The following GRIK1 variants were observed in gnomAD, a reference collection of about 807,000 sequenced individuals.
GRIK1 encodes the protein glutamate ionotropic receptor kainate type subunit 1, also known as glutamate receptor ionotropic, kainate 1.
A neutral mutation model predicts 105.7 loss-of-function variants in GRIK1; 69 were observed. That is an observed-to-expected ratio of 0.65 (90% CI 0.54 to 0.80). The LOEUF (loss-of-function observed/expected upper bound fraction) is 0.80, where lower values mean the gene tolerates loss of function less well. Ranked by LOEUF, GRIK1 falls within the 30% of genes least tolerant of loss-of-function variation. GRIK1 has a pLI of 0.00. For missense variants in GRIK1, 1,109 were observed against 1,167.3 expected (o/e 0.95, Z 0.73); for synonymous variants, 438 against 431.3 (o/e 1.02, Z -0.19).
chr21:29,855,797 A>T (rs1176021851), intron 1 of GRIK1, among the ~76,000 whole-genome samples: 1 of 152,194 alleles, frequency 6.6e-6, no homozygotes, highest in Non-Finnish European at 1.5e-5. Context: ...AAGGTGAAAA[A>T]ATTAACTGAT....
At chr21:29,803,038 T>A (rs2066756011) in intron 1 of GRIK1, among the ~76,000 whole-genome samples, 1 of 152,132 alleles carries the variant, frequency 6.6e-6, no homozygotes, top group Non-Finnish European at 1.5e-5. Flanking sequence ...TTTTATTACA[T>A]AATGCTGTAG....
chr21:29,924,303 C>T (rs966353240), intron 1 of GRIK1, among the ~76,000 whole-genome samples: 1 of 149,644 alleles, frequency 6.7e-6, no homozygotes, highest in Non-Finnish European at 1.5e-5. Flanking sequence ...TGCCACTGCA[C>T]TCCAGCCTGG....
intron 1 of GRIK1, among the ~76,000 whole-genome samples, chr21:29,826,601 T>A (rs2300324): frequency 0.11 from 16,243 of 152,150 alleles, 925 homozygotes; most frequent in Admixed American, 0.16. Context: ...CCCTGCAGAT[T>A]TTGGGCTTGC....
chr21:29,762,708 C>G (rs917337453), intron 1 of GRIK1, among the ~76,000 whole-genome samples: 3 of 150,310 alleles, frequency 2.0e-5, no homozygotes, highest in Non-Finnish European at 4.4e-5. Context: ...ACAGGACCAC[C>G]CTGTATTCAA....
chr21:29,684,806 G>T (rs1416566515), intron 3 of GRIK1, among the ~76,000 whole-genome samples: 1 of 151,776 alleles, frequency 6.6e-6, no homozygotes, highest in Non-Finnish European at 1.5e-5. Flanking sequence ...CACCACACCC[G>T]GCTGCAAAAA....
chr21:29,555,033 C>CCTTT lies in GRIK1; in HGVS notation c.2607+18_2607+19insAAAG, dbSNP rs771867294. On this transcript the variant is annotated intron_variant, in intron 16 of 17. Transcript: ENST00000327783. Reference sequence around the variant, plus strand: ...AATGCAAACTATAAACTAACCAGTCCTAGAAAGAGATGACTCACCTGTTCA... The same window carrying CCTTT: ...AATGCAAACTATAAACTAACCAGTCCCTTTTAGAAAGAGATGACTCACCTGTTCA... The CCTTT allele has an allele frequency of 3.3e-5, 52 of 1,594,692 alleles. No individual in the cohort carries two copies. The highest frequency in any genetic ancestry group is 4.1e-5 in the Non-Finnish European group (48 of 1,164,312).
intron 1 of GRIK1, among the ~76,000 whole-genome samples, chr21:29,749,370 C>T (rs1304038754): frequency 1.3e-5 from 2 of 152,208 alleles, no homozygotes; most frequent in Non-Finnish European, 2.9e-5. Flanking sequence ...GGAGAATCAG[C>T]TTTGTCACCG....
intron 1 of GRIK1, among the ~76,000 whole-genome samples, chr21:29,836,763 A>G (rs377465986): frequency 6.6e-6 from 1 of 152,214 alleles, no homozygotes; most frequent in African/African-American, 2.4e-5. Context: ...TAACGTGTCC[A>G]TACCTTTCTT....
At chr21:29,724,479 C>T (rs916576382) in intron 1 of GRIK1, among the ~76,000 whole-genome samples, 2 of 152,162 alleles carry the variant, frequency 1.3e-5, no homozygotes, top group African/African-American at 2.4e-5. Context: ...AAATAGCCTG[C>T]AATACCCCTA....
intron 1 of GRIK1, among the ~76,000 whole-genome samples, chr21:29,718,875 C>A (rs570822789): frequency 6.6e-6 from 1 of 152,142 alleles, no homozygotes; most frequent in South Asian, 2.1e-4. Flanking sequence ...TCAAAGACAC[C>A]CTTTAGTGTT....
At chr21:29,899,033 A>G (rs745580605) in intron 1 of GRIK1, among the ~76,000 whole-genome samples, 2 of 151,988 alleles carry the variant, frequency 1.3e-5, no homozygotes, top group South Asian at 4.1e-4. Flanking sequence ...TCATATTCTT[A>G]TTGTAATACA....
intron 7 of GRIK1, among the ~76,000 whole-genome samples, chr21:29,613,574 T>G (rs911561260): frequency 6.6e-6 from 1 of 152,184 alleles, no homozygotes; most frequent in African/African-American, 2.4e-5. Context: ...TGAAGAAGTT[T>G]ACTCTGATGA....
At chr21:29,676,859 C>T (rs2063277654) in intron 3 of GRIK1, among the ~76,000 whole-genome samples, 1 of 152,144 alleles carries the variant, frequency 6.6e-6, no homozygotes, top group Admixed American at 6.5e-5. Flanking sequence ...GATTTGACAA[C>T]TGAATGCCAT....
At position 29,659,442 on chromosome 21, in the gene GRIK1, C is replaced by T. The variant is rs564213648; in HGVS notation, c.727-4579G>A. Among the ~76,000 whole-genome samples, 7 of 152,218 alleles carry T rather than the reference C, an allele frequency of 4.6e-5. No homozygotes were observed. In the East Asian group the frequency reaches 9.6e-4, roughly 21 times the overall value. On this transcript the variant is annotated intron_variant, in intron 4 of 17. Transcript: ENST00000327783. ...TATAAGAACTCAAAAGACATCAATACCAAAAGACTTAAGCTCCTGCATACT... is the reference window on the plus strand; with the variant it reads ...TATAAGAACTCAAAAGACATCAATATCAAAAGACTTAAGCTCCTGCATACT...
chr21:29,693,748 A>G (rs2063631807), intron 2 of GRIK1, 148 bp downstream of exon 2: 1 of 636,076 alleles, frequency 1.6e-6, no homozygotes, highest in Non-Finnish European at 2.8e-6. Context: ...TTCAGATTAC[A>G]CTGATCAGTG....
In GRIK1 at chr21:29,689,936, A is replaced by T; in HGVS notation, c.336T>A (p.His112Gln). 6.8e-7 allele frequency: 1 copy of T among 1,471,638 alleles called. No individual in the cohort carries two copies. Among genetic ancestry groups the T allele is most frequent in the Non-Finnish European group, 9.2e-7 (1 of 1,089,502 alleles). The allele number at this position is 1,471,638 out of a possible 1,614,324, so 91.2% of individuals were successfully genotyped here. Residue 112 changes from histidine (H) to glutamine (Q), a missense_variant, in exon 3 of 18, where the codon CAT becomes CAA. By Grantham distance (24) the His-to-Gln change is conservative (BLOSUM62 0). Coordinates refer to ENST00000327783, the MANE Select transcript of GRIK1 (RefSeq NM_001330994.2). Reference protein sequence around the residue: ...LGVAALFGPSHSSSVSAVQSI... With the variant: ...LGVAALFGPSQSSSVSAVQSI... ...ACTGCACAGCACTGACGGAGGAGCT[A>T]TGGGAAGGGCCAAAGAGAGCAGCCA... is the stretch of plus-strand genomic sequence containing the variant.
chr21:29,666,317 C>T (rs891518774), intron 4 of GRIK1, among the ~76,000 whole-genome samples: 6 of 152,098 alleles, frequency 3.9e-5, no homozygotes, highest in South Asian at 2.1e-4. Context: ...GCAGGAGAAT[C>T]GCTTGAACCT....
chr21:29,575,757 G>A (rs147491099), intron 14 of GRIK1, among the ~76,000 whole-genome samples: 2 of 152,196 alleles, frequency 1.3e-5, no homozygotes, highest in East Asian at 3.9e-4. Context: ...ATTTGAACCC[G>A]GAGGGTGGAG....
intron 1 of GRIK1, among the ~76,000 whole-genome samples, chr21:29,833,290 C>T (rs2067692851): frequency 6.6e-6 from 1 of 152,146 alleles, no homozygotes. Context: ...AAGCCTTCCA[C>T]TTTTTTCCAA....
Sources: gnomAD v4.1 joint callset for allele counts (sites outside exome capture counted in the v4.1 genomes callset) on GRCh38, gnomAD v4.1.1 for gene constraint, MANE v1.5 for transcripts, NCBI Gene and HGNC (gene_info 2026-07-23, HGNC 2026-07-21) for gene names.